The following SUGCT variants were observed in gnomAD, a reference collection of about 807,000 sequenced individuals.
The protein encoded by SUGCT is succinyl-CoA:glutarate CoA-transferase.
Under a neutral mutation model 55.0 loss-of-function variants are expected in SUGCT, and 41 were observed. The ratio of observed to expected loss-of-function variants is 0.74; its 90% CI spans 0.58 to 0.97. The LOEUF is 0.97. SUGCT is among the 50% of genes least tolerant of loss of function. SUGCT has a pLI of 0.00. For missense variants in SUGCT, 568 were observed against 547.8 expected (o/e 1.04, Z -0.37); for synonymous variants, 187 against 200.4 (o/e 0.93, Z 0.56).
At chr7:40,551,141 G>C (rs971332642) in intron 12 of SUGCT, among the ~76,000 whole-genome samples, 1 of 152,074 alleles carries the variant, frequency 6.6e-6, no homozygotes, top group African/African-American at 2.4e-5. Context: ...GGTTCTCCTA[G>C]GACATCCTCC....
intron 9 of SUGCT, among the ~76,000 whole-genome samples, chr7:40,409,823 C>T (rs866610836): frequency 1.3e-5 from 2 of 151,794 alleles, no homozygotes; most frequent in South Asian, 2.1e-4. Flanking sequence ...AAGTAAACAA[C>T]AGTTTATCAG....
chr7:40,325,894 G>A lies in SUGCT; in HGVS notation c.816+9039G>A, dbSNP rs564289539. On this transcript the variant is annotated intron_variant, in intron 9 of 13. Coordinates refer to ENST00000335693, the MANE Select transcript of SUGCT (RefSeq NM_001193313.2). ...ACTAAGCTGGATGCATCATGGATGTGCGTCTTTTTTTTTTGTTTGTTTTTG... is the reference window on the plus strand; with the variant it reads ...ACTAAGCTGGATGCATCATGGATGTACGTCTTTTTTTTTTGTTTGTTTTTG... 4.5e-5 allele frequency among the ~76,000 whole-genome samples: 5 copies of A among 110,322 alleles called. No homozygotes were observed. In the South Asian group the frequency reaches 1.3e-3, roughly 28 times the overall value. The allele number at this position is 110,322 out of a possible 152,430, so 72.4% of individuals were successfully genotyped here.
chr7:40,165,263 G>T (rs937124757), intron 1 of SUGCT, among the ~76,000 whole-genome samples: 1 of 151,980 alleles, frequency 6.6e-6, no homozygotes, highest in Admixed American at 6.6e-5. Flanking sequence ...AATCTCAATA[G>T]TTGGCTAGTA....
At chr7:40,259,649 T>C (rs1384291988) in intron 7 of SUGCT, among the ~76,000 whole-genome samples, 1 of 152,170 alleles carries the variant, frequency 6.6e-6, no homozygotes, top group Admixed American at 6.5e-5. Flanking sequence ...ATGCTGTAAT[T>C]TGTAGTCTTA....
At chr7:40,458,731 G>T (rs1789623292) in intron 10 of SUGCT, among the ~76,000 whole-genome samples, 2 of 152,050 alleles carry the variant, frequency 1.3e-5, no homozygotes, top group African/African-American at 4.8e-5. Context: ...TTAAAATTTG[G>T]TCCGTTTTAC....
chr7:40,613,268 A>T (rs1249346268), intron 12 of SUGCT, among the ~76,000 whole-genome samples: 1 of 152,182 alleles, frequency 6.6e-6, no homozygotes, highest in Non-Finnish European at 1.5e-5. Context: ...GGCCGTCACC[A>T]TGAGGCTGCT....
intron 12 of SUGCT, among the ~76,000 whole-genome samples, chr7:40,558,525 A>G (rs1353497462): frequency 6.6e-6 from 1 of 152,262 alleles, no homozygotes; most frequent in African/African-American, 2.4e-5. Context: ...AGATATCATT[A>G]GGATTCCACA....
At chr7:40,157,066 C>T (rs1406778885) in intron 1 of SUGCT, among the ~76,000 whole-genome samples, 1 of 150,864 alleles carries the variant, frequency 6.6e-6, no homozygotes, top group Non-Finnish European at 1.5e-5. Context: ...TCAGGGCTTT[C>T]TGAGCATAGA....
intron 12 of SUGCT, among the ~76,000 whole-genome samples, chr7:40,588,592 T>C (rs1797534975): frequency 6.6e-6 from 1 of 152,222 alleles, no homozygotes; most frequent in African/African-American, 2.4e-5. Flanking sequence ...TAAAGAACTA[T>C]AAACAATATT....
chr7:40,846,171 A>C (rs886606736), intron 13 of SUGCT, among the ~76,000 whole-genome samples: 5 of 152,184 alleles, frequency 3.3e-5, no homozygotes, highest in Admixed American at 6.5e-5. Flanking sequence ...AGCTGAACCA[A>C]TTTTGTTTTC....
chr7:41,023,090 G>A, the SUGCT span, among the ~76,000 whole-genome samples: 1 of 152,122 alleles, frequency 6.6e-6, no homozygotes, highest in Non-Finnish European at 1.5e-5. Flanking sequence ...TGCCAGTTTG[G>A]GATGGAAATG....
At chr7:40,518,402 G>A (rs1793359205) in intron 12 of SUGCT, among the ~76,000 whole-genome samples, 2 of 152,024 alleles carry the variant, frequency 1.3e-5, no homozygotes, top group Admixed American at 6.6e-5. Flanking sequence ...GAACACATAA[G>A]CAAATATATT....
chr7:40,899,366 G>A, the SUGCT span, among the ~76,000 whole-genome samples: 1 of 152,064 alleles, frequency 6.6e-6, no homozygotes, highest in Non-Finnish European at 1.5e-5. Context: ...CTATAAATAC[G>A]CCCTGTGAAT....
intron 13 of SUGCT, chr7:40,775,753 T>TA (rs1458955500): frequency 2.6e-5 from 4 of 152,178 alleles, no homozygotes; most frequent in African/African-American, 9.7e-5. Flanking sequence ...CGTGGAAGTA[T>TA]ATGTAAGTCA....
intron 9 of SUGCT, among the ~76,000 whole-genome samples, chr7:40,401,220 T>A (rs1159141243): frequency 2.6e-5 from 4 of 152,182 alleles, no homozygotes; most frequent in Non-Finnish European, 1.5e-5. Context: ...CATTACAAGC[T>A]GACCAAAAAT....
At chr7:40,439,064 G>GTATA (rs1183426693) in intron 9 of SUGCT, among the ~76,000 whole-genome samples, 32 of 27,162 alleles carry the variant, frequency 1.2e-3, no homozygotes, top group Admixed American at 2.2e-3. Context: ...TATATATGGT[G>GTATA]TATATATATA....
intron 9 of SUGCT, among the ~76,000 whole-genome samples, chr7:40,444,012 T>C (rs1788668484): frequency 6.6e-6 from 1 of 152,188 alleles, no homozygotes; most frequent in African/African-American, 2.4e-5. Flanking sequence ...TTGTCAGGCT[T>C]GTCAAAGATC....
the SUGCT span, among the ~76,000 whole-genome samples, chr7:40,906,924 G>T: frequency 1.3e-5 from 2 of 152,176 alleles, no homozygotes; most frequent in Non-Finnish European, 2.9e-5. Context: ...TCTTCCCAGA[G>T]AGGGAGCATT....
intron 11 of SUGCT, among the ~76,000 whole-genome samples, chr7:40,480,374 A>G (rs906182444): frequency 3.3e-5 from 5 of 151,984 alleles, no homozygotes; most frequent in African/African-American, 1.2e-4. Flanking sequence ...CCATTGATTT[A>G]TGTGTCTATT....
Sources: gnomAD v4.1 joint callset for allele counts (sites outside exome capture counted in the v4.1 genomes callset) on GRCh38, gnomAD v4.1.1 for gene constraint, MANE v1.5 for transcripts, NCBI Gene and HGNC (gene_info 2026-07-23, HGNC 2026-07-21) for gene names.